NRXN2: variants seen among roughly 807,000 people sequenced by gnomAD.
NRXN2 encodes neurexin 2.
A neutral mutation model predicts 128.8 loss-of-function variants in NRXN2; 29 were observed. That is an observed-to-expected ratio of 0.23 (90% CI 0.17 to 0.31). The LOEUF is 0.31. Ranked by LOEUF, NRXN2 falls within the 10% of genes least tolerant of loss-of-function variation. The pLI, the probability that NRXN2 is intolerant of heterozygous loss-of-function variation, is 1.00. For missense variants in NRXN2, 1,881 were observed against 2,452.6 expected (o/e 0.77, Z 4.92); for synonymous variants, 1,098 against 1,075.2 (o/e 1.02, Z -0.41).
At chr11:64,666,695 C>T (rs1169822736) in intron 9 of NRXN2, among the ~76,000 whole-genome samples, 1 of 152,064 alleles carries the variant, frequency 6.6e-6, no homozygotes, top group East Asian at 1.9e-4. Context: ...TTCCAAGTAG[C>T]TGGGACTACA....
chr11:64,669,408 C>T (rs931127445), intron 7 of NRXN2, among the ~76,000 whole-genome samples: 10 of 152,182 alleles, frequency 6.6e-5, no homozygotes, highest in Admixed American at 1.3e-4. Flanking sequence ...GCCTTGTCTA[C>T]TGACACCACT....
chr11:64,645,628 T>C (rs575222502), intron 17 of NRXN2, among the ~76,000 whole-genome samples: 444 of 152,260 alleles, frequency 2.9e-3, no homozygotes, highest in Non-Finnish European at 5.3e-3. Context: ...TTTTCTCTCC[T>C]GTCTTCCCAG....
At chr11:64,642,566 T>C (rs1422830317) in intron 17 of NRXN2, 1 of 1,610,602 alleles carries the variant, frequency 6.2e-7, no homozygotes, top group African/African-American at 1.3e-5. Context: ...AGGAAGGGCA[T>C]GCGGTTGATG....
At chr11:64,637,842 A>G (rs151009648) in intron 17 of NRXN2, among the ~76,000 whole-genome samples, 156 of 152,170 alleles carry the variant, frequency 1.0e-3, no homozygotes, top group Non-Finnish European at 1.9e-3. Flanking sequence ...GCACATCACC[A>G]TGGACAGAGC....
chr11:64,635,271 G>T lies in NRXN2; in HGVS notation c.3585C>A (p.Ile1195=), dbSNP rs148368187. 8.7e-6 allele frequency: 14 copies of T among 1,612,228 alleles called. No individual in the cohort carries two copies. The highest frequency in any genetic ancestry group is 1.1e-5 in the Non-Finnish European group (13 of 1,179,910). Residue 1195 remains isoleucine, a splice_region_variant and synonymous_variant, in exon 18 of 23, where the codon ATC becomes ATA. Transcript: ENST00000265459. The surrounding 1 kb of genome is among the most constrained non-coding windows in gnomAD (Gnocchi z 4.8). ...AAGGGTTGGGGCCCAGGGTCCTTAC[G>T]ATGTGCAGCTGCAGGTAGTCTCCAA... ...SGLGDYLQLH[I]DQGTVGVIFN... is the part of the protein sequence containing the mutation.
chr11:64,670,654 G>A (rs2050513076), intron 7 of NRXN2, among the ~76,000 whole-genome samples: 1 of 152,146 alleles, frequency 6.6e-6, no homozygotes, highest in Non-Finnish European at 1.5e-5. Flanking sequence ...ACATGTCCCT[G>A]TAACCCCACT....
rs754240562 is a variant in NRXN2 at position 64,690,454 on chromosome 11, C to A, written c.801G>T (p.Glu267Asp). The A allele has an allele frequency of 9.9e-6, 16 of 1,613,710 alleles. No homozygotes were observed. Among genetic ancestry groups the A allele is most frequent in the East Asian group, 2.2e-5 (1 of 44,876 alleles). Reference protein sequence around the residue: ...NSEVGSLLFSEGGAGRGGAGD... With the variant: ...NSEVGSLLFSDGGAGRGGAGD... ...CGGCTCCTCCTCTCCCGGCCCCCCC[C>A]TCGGAGAACAGTAAGGACCCTACTG... Residue 267 changes from glutamate (E) to aspartate (D), a missense_variant, in exon 5 of 23, where the codon GAG (glutamate) becomes GAT (aspartate). Transcript: ENST00000265459.
chr11:64,702,036 C>T (rs942480906), intron 2 of NRXN2, among the ~76,000 whole-genome samples: 1 of 149,506 alleles, frequency 6.7e-6, no homozygotes, highest in Admixed American at 6.6e-5. Context: ...CCAGCCGCCC[C>T]GTCCGGGAGG....
At chr11:64,703,502 C>T (rs773203197) in intron 2 of NRXN2, among the ~76,000 whole-genome samples, 31 of 152,176 alleles carry the variant, frequency 2.0e-4, no homozygotes, top group Non-Finnish European at 4.1e-4. Context: ...TGAAAACTTC[C>T]AGTGGGCTAC....
intron 5 of NRXN2, among the ~76,000 whole-genome samples, chr11:64,686,764 C>T (rs943979186): frequency 1.3e-5 from 2 of 152,202 alleles, no homozygotes; most frequent in Admixed American, 1.3e-4. Flanking sequence ...AAGAGCAGGC[C>T]TGGGCCTTGT....
At chr11:64,704,850 A>G (rs2056056713) in intron 2 of NRXN2, among the ~76,000 whole-genome samples, 1 of 152,204 alleles carries the variant, frequency 6.6e-6, no homozygotes, top group Admixed American at 6.5e-5. Context: ...GACCACCTTG[A>G]GTCATCTGAA....
intron 3 of NRXN2, among the ~76,000 whole-genome samples, chr11:64,695,098 C>T (rs2054323118): frequency 6.6e-6 from 1 of 152,198 alleles, no homozygotes; most frequent in Non-Finnish European, 1.5e-5. Flanking sequence ...CTACCCCTGG[C>T]TCAGTCCCAG....
At chr11:64,685,553 T>C in intron 6 of NRXN2, 93 bp downstream of exon 6, 4 of 1,524,200 alleles carry the variant, frequency 2.6e-6, no homozygotes, top group Non-Finnish European at 3.6e-6. Context: ...CCAGCCCTGA[T>C]CCCTCCACCA....
Position 64,606,697 on chromosome 11 carries a change from GAC to G in NRXN2, c.*497_*498del, listed in dbSNP as rs1369615187. 1 of 144,314 alleles carries G rather than the reference GAC, an allele frequency of 6.9e-6. No individual in the cohort carries two copies. The highest frequency in any genetic ancestry group is 1.5e-5 in the Non-Finnish European group (1 of 67,210). 8.9% of individuals were successfully genotyped at this position (144,314 alleles called of 1,614,324 possible). The stretch of plus-strand genomic sequence containing the variant: ...AGGGAGGAAAGGAAGGGAGAAACCA[GAC>G]ACACAAAAAAAGAAGTAGGGAAGGA... On this transcript the variant is annotated 3_prime_UTR_variant, in exon 23 of 23. Transcript: ENST00000265459.
intron 2 of NRXN2, among the ~76,000 whole-genome samples, chr11:64,699,882 T>C (rs1222258636): frequency 6.6e-6 from 1 of 152,176 alleles, no homozygotes; most frequent in Non-Finnish European, 1.5e-5. Flanking sequence ...CCAGCACCTG[T>C]GCAAATAAGG....
At chr11:64,712,376 C>T (rs1379131336) in intron 2 of NRXN2, among the ~76,000 whole-genome samples, 2 of 151,982 alleles carry the variant, frequency 1.3e-5, no homozygotes, top group Non-Finnish European at 2.9e-5. Flanking sequence ...TTCATAGGCC[C>T]AGCCCACACT....
At position 64,713,578 on chromosome 11, in the gene NRXN2, T is replaced by C. The variant is rs1249976861; in HGVS notation, c.122A>G (p.Tyr41Cys). Residue 41 changes from tyrosine to cysteine, a missense_variant, in exon 2 of 23, where the codon TAC becomes TGC. By Grantham distance (194) the Tyr-to-Cys change is radical. Around this residue, in one of 7 missense-constraint regions of NRXN2, gnomAD observed 997 missense variants for 1,240.8 expected, o/e 0.80. Transcript: ENST00000265459. ...GCTCGCCGCGCCCGCCCAGCGCGCGTAGCGAGCCCACTGCCCGGGGCCGCC... is the reference window on the plus strand; with the variant it reads ...GCTCGCCGCGCCCGCCCAGCGCGCGCAGCGAGCCCACTGCCCGGGGCCGCC... ...FGGGPGQWAR[Y>C]ARWAGAASSG... 7.2e-7 allele frequency: 1 copy of C among 1,385,788 alleles called. No individual in the cohort carries two copies. Among genetic ancestry groups the C allele is most frequent in the Admixed American group, 2.9e-5 (1 of 34,154 alleles). The allele number at this position is 1,385,788 out of a possible 1,614,324, so 85.8% of individuals were successfully genotyped here.
At position 64,653,725 on chromosome 11, in the gene NRXN2, G is replaced by T. The variant is rs561690501; in HGVS notation, c.2390-3C>A. On this transcript the variant is annotated splice_polypyrimidine_tract_variant and splice_region_variant and intron_variant, in intron 11 of 22. Transcript: ENST00000265459. ...TGCGCAGCCGACGCGCAGGCAGTCT[G>T]GGGGGGCCATGGGGCGGGCAGAGGG... 77 of 1,587,318 alleles carry T rather than the reference G, an allele frequency of 4.9e-5. No individual in the cohort carries two copies. In the East Asian group the frequency reaches 5.9e-4, roughly 12 times the overall value.
intron 7 of NRXN2, among the ~76,000 whole-genome samples, chr11:64,669,108 T>C (rs1356587790): frequency 2.6e-5 from 4 of 152,234 alleles, no homozygotes; most frequent in African/African-American, 9.6e-5. Flanking sequence ...CAGCCCTCTC[T>C]GCTGGGTGCT....
Sources: gnomAD v4.1 joint callset for allele counts (sites outside exome capture counted in the v4.1 genomes callset) on GRCh38, gnomAD v4.1.1 for gene constraint, gnomAD v4.1.1 regional missense constraint, Gnocchi (gnomAD v3.1) non-coding constraint, MANE v1.5 for transcripts, NCBI Gene and HGNC (gene_info 2026-07-23, HGNC 2026-07-21) for gene names.